Variants in DNAH14 observed in about 807,000 individuals in gnomAD.
DNAH14 encodes dynein axonemal heavy chain 14, also known as axonemal beta dynein heavy chain 14.
A neutral mutation model predicts 520.9 loss-of-function variants in DNAH14; 478 were observed. The ratio of observed to expected loss-of-function variants is 0.92; its 90% confidence interval spans 0.85 to 0.99. The LOEUF is 0.99. DNAH14 is among the 50% of genes least tolerant of loss of function. The pLI is 0.00. For missense variants in DNAH14, 4,831 were observed against 5,234.5 expected (o/e 0.92, Z 2.38); for synonymous variants, 1,581 against 1,757.2 (o/e 0.90, Z 2.51).
Position 224,952,687 on chromosome 1 carries a change from T to C in DNAH14, c.-16T>C. ...TGTTACAGCCAGTTCCTTTATAGTT[T>C]TGTTCAGAAAAACATATGGAGACGT... is the stretch of plus-strand genomic sequence containing the variant. On this transcript the variant is annotated 5_prime_UTR_variant, in exon 2 of 86. Transcript: ENST00000682510. 1 of 1,554,696 alleles carries C rather than the reference T, an allele frequency of 6.4e-7. No homozygotes were observed. The highest frequency in any genetic ancestry group is 8.7e-7 in the Non-Finnish European group (1 of 1,155,502).
At position 225,165,677 on chromosome 1, in the gene DNAH14, G is replaced by A. The variant is rs114091246; in HGVS notation, c.5446-2262G>A. ...CTCATCTCACTGCAGCCTCGACCTC[G>A]GGCTCAAGCAATCCTCCTGCCTCAG... On this transcript the variant is annotated intron_variant, in intron 35 of 85. Coordinates refer to ENST00000682510, the MANE Select transcript of DNAH14 (RefSeq NM_001367479.1). Among the ~76,000 whole-genome samples, 921 of 151,786 alleles carry A rather than the reference G, an allele frequency of 6.1e-3. 2 individuals are homozygous for A. The highest frequency in any genetic ancestry group is 0.021 in the African/African-American group (850 of 41,404).
chr1:225,376,983 TTC>T (rs2095709146), intron 78 of DNAH14, among the ~76,000 whole-genome samples: 1 of 151,874 alleles, frequency 6.6e-6, no homozygotes, highest in South Asian at 2.1e-4. Flanking sequence ...TTTTTTTTCT[TTC>T]TCTCTTTTCC....
intron 42 of DNAH14, among the ~76,000 whole-genome samples, chr1:225,239,119 G>T (rs1049645485): frequency 3.9e-5 from 6 of 152,282 alleles, no homozygotes; most frequent in Admixed American, 3.9e-4. Context: ...TGCCTTGGAA[G>T]TGGGGCCCAG....
chr1:225,285,125 C>A (rs1163205372), intron 54 of DNAH14, among the ~76,000 whole-genome samples: 3 of 152,140 alleles, frequency 2.0e-5, no homozygotes, highest in African/African-American at 7.2e-5. Context: ...GAAGTTCTAG[C>A]CAGTGCAATT....
intron 15 of DNAH14, 54 bp from the exon 16 acceptor site, chr1:225,050,156 G>A (rs985106332): frequency 2.5e-5 from 36 of 1,438,348 alleles, no homozygotes; most frequent in Non-Finnish European, 3.3e-5. Context: ...TAATTTTGAA[G>A]TGTTGCTTTC....
chr1:225,070,379 A>G (rs947144644), intron 17 of DNAH14, among the ~76,000 whole-genome samples: 1 of 152,232 alleles, frequency 6.6e-6, no homozygotes, highest in East Asian at 1.9e-4. Context: ...TGCCTTAGCT[A>G]TGTCTCAGAG....
At chr1:225,262,883 TTGA>T (rs374215500) in intron 46 of DNAH14, among the ~76,000 whole-genome samples, 16 of 152,026 alleles carry the variant, frequency 1.1e-4, no homozygotes, top group African/African-American at 3.9e-4. Context: ...AAAAATGACA[TTGA>T]TATTTTTTAT....
intron 31 of DNAH14, among the ~76,000 whole-genome samples, chr1:225,147,999 G>A (rs966970232): frequency 6.6e-6 from 1 of 152,142 alleles, no homozygotes; most frequent in Admixed American, 6.5e-5. Context: ...ATTCCATGGT[G>A]TATATATACC....
intron 17 of DNAH14, among the ~76,000 whole-genome samples, chr1:225,065,055 G>A (rs2148447821): frequency 6.6e-6 from 1 of 152,058 alleles, no homozygotes; most frequent in East Asian, 1.9e-4. Context: ...TAGAATGGTT[G>A]TGGAATTAAG....
At chr1:225,088,749 A>G (rs1009799177) in intron 21 of DNAH14, among the ~76,000 whole-genome samples, 4 of 152,216 alleles carry the variant, frequency 2.6e-5, no homozygotes, top group Non-Finnish European at 4.4e-5. Flanking sequence ...CAATACTAGG[A>G]ATAGAAGAGA....
chr1:225,367,008 T>TACAC (rs111814272), intron 76 of DNAH14, among the ~76,000 whole-genome samples: 11 of 149,396 alleles, frequency 7.4e-5, no homozygotes, highest in African/African-American at 2.0e-4. Context: ...CTCATGTTCA[T>TACAC]ACACACACAC....
chr1:225,190,167 T>C (rs1465325839), intron 37 of DNAH14, among the ~76,000 whole-genome samples: 1 of 152,044 alleles, frequency 6.6e-6, no homozygotes, highest in African/African-American at 2.4e-5. Flanking sequence ...CATACATATC[T>C]ATGATGAAGT....
chr1:225,335,897 A>T (rs906403606), intron 66 of DNAH14, among the ~76,000 whole-genome samples: 1 of 142,520 alleles, frequency 7.0e-6, no homozygotes. Flanking sequence ...ACATATACAT[A>T]CATATATGCA....
intron 38 of DNAH14, among the ~76,000 whole-genome samples, chr1:225,194,837 TA>T (rs1182666862): frequency 6.6e-6 from 1 of 151,116 alleles, no homozygotes; most frequent in East Asian, 1.9e-4. Flanking sequence ...ACATCCCCAC[TA>T]AAAAGTGGGC....
intron 30 of DNAH14, 128 bp from the exon 31 acceptor site, chr1:225,146,976 A>AG: frequency 1.5e-6 from 1 of 659,706 alleles, no homozygotes; most frequent in Non-Finnish European, 2.4e-6. Context: ...AATGCCTAGG[A>AG]GGGGGAAATG....
In DNAH14 at chr1:225,195,508, G is replaced by A. The variant is rs1265059418; in HGVS notation, c.5886+2597G>A. On this transcript the variant is annotated intron_variant, in intron 38 of 85. Transcript: ENST00000682510. ...AATAGACACTGGGGCTTACTTGGTG[G>A]AGGATGGGAGGATGGAGAGGATCAA... Among the ~76,000 whole-genome samples the A allele has an allele frequency of 2.0e-5, 3 of 151,810 alleles. 1 individual carries two copies. The East Asian group carries it at 5.8e-4, about 29-fold the overall frequency.
intron 49 of DNAH14, 64 bp downstream of exon 49, chr1:225,266,833 A>G: frequency 1.4e-6 from 2 of 1,392,032 alleles, no homozygotes; most frequent in Non-Finnish European, 1.9e-6. Flanking sequence ...TTAAATGTTT[A>G]TAACAATGTT....
chr1:225,097,345 C>T (rs1573042672), intron 22 of DNAH14, 106 bp downstream of exon 22: 6 of 1,118,160 alleles, frequency 5.4e-6, no homozygotes, highest in South Asian at 2.0e-5. Flanking sequence ...ACTATCTTAT[C>T]CTACCTACAG....
chr1:225,010,228 G>A (rs2064595390), intron 10 of DNAH14, among the ~76,000 whole-genome samples: 1 of 152,008 alleles, frequency 6.6e-6, no homozygotes. Context: ...ATTGACTGTG[G>A]GTTTGTCATA....
Sources: gnomAD v4.1 joint callset for allele counts (sites outside exome capture counted in the v4.1 genomes callset) on GRCh38, gnomAD v4.1.1 for gene constraint, MANE v1.5 for transcripts, NCBI Gene and HGNC (gene_info 2026-07-23, HGNC 2026-07-21) for gene names.